TSPAN9: variants seen among roughly 807,000 people sequenced by gnomAD.
TSPAN9 encodes the protein tetraspanin-9.
TSPAN9 carries 16 observed loss-of-function variants against 31.0 expected under a neutral mutation model. The observed-to-expected ratio is 0.52, with a 90% CI of 0.35 to 0.78. The LOEUF (loss-of-function observed/expected upper bound fraction) is 0.78, where lower values mean the gene tolerates loss of function less well. TSPAN9 is among the 30% of genes least tolerant of loss of function. TSPAN9 has a pLI of 0.01. For missense variants in TSPAN9, 272 were observed against 312.5 expected (o/e 0.87, Z 0.98); for synonymous variants, 145 against 121.6 (o/e 1.19, Z -1.27).
chr12:3,088,414 T>C lies in TSPAN9; in HGVS notation c.-18+4695T>C, dbSNP rs533460603. ...ACTCCAAATTAGCAGCCATTTCAAA[T>C]TGGCTTCCACTGACTTGCTGCTGGG... is the stretch of plus-strand genomic sequence containing the variant. On this transcript the variant is annotated intron_variant, in intron 2 of 8. Coordinates refer to ENST00000011898, the MANE Select transcript of TSPAN9 (RefSeq NM_006675.5). 7.3e-5 allele frequency among the ~76,000 whole-genome samples: 11 copies of C among 149,732 alleles called. No individual in the cohort carries two copies. In the South Asian group the frequency reaches 1.5e-3, roughly 21 times the overall value.
rs114608526 is a variant in TSPAN9, at chr12:3,250,851, C to T, written c.64-27570C>T. 3.6e-3 allele frequency among the ~76,000 whole-genome samples: 543 copies of T among 152,288 alleles called. 6 individuals are homozygous for T. Among genetic ancestry groups the T allele is most frequent in the African/African-American group, 0.013 (522 of 41,550 alleles). ...GCCCGGTGAATGGCCATGATGGGCA[C>T]AGCAGCCTGCCCTGAGGAAGGGCCT... On this transcript the variant is annotated intron_variant, in intron 3 of 8. Transcript: ENST00000011898.
chr12:3,130,881 C>T (rs1206764141), intron 2 of TSPAN9, among the ~76,000 whole-genome samples: 1 of 152,140 alleles, frequency 6.6e-6, no homozygotes. Flanking sequence ...TTTAGGATCC[C>T]AGTGCTCTTG....
At chr12:3,263,441 G>A (rs771409492) in intron 3 of TSPAN9, among the ~76,000 whole-genome samples, 3 of 152,222 alleles carry the variant, frequency 2.0e-5, no homozygotes, top group East Asian at 1.9e-4. Flanking sequence ...CACGTGTGGC[G>A]GTGGACGGGC....
intron 2 of TSPAN9, among the ~76,000 whole-genome samples, chr12:3,133,223 A>T (rs2098330585): frequency 6.6e-6 from 1 of 152,086 alleles, no homozygotes; most frequent in South Asian, 2.1e-4. Context: ...GGCCCCACCC[A>T]TCCCGGAAAA....
intron 3 of TSPAN9, among the ~76,000 whole-genome samples, chr12:3,267,404 A>C (rs1862556841): frequency 6.6e-6 from 1 of 152,158 alleles, no homozygotes; most frequent in African/African-American, 2.4e-5. Flanking sequence ...AACATCTCAG[A>C]AAGGTTAAGT....
intron 2 of TSPAN9, among the ~76,000 whole-genome samples, chr12:3,159,057 C>A (rs1195338842): frequency 6.6e-6 from 1 of 151,996 alleles, no homozygotes; most frequent in African/African-American, 2.4e-5. Context: ...CTCCCCACCC[C>A]CTGCCAGGGA....
chr12:3,126,288 G>C (rs1396236808), intron 2 of TSPAN9, among the ~76,000 whole-genome samples: 2 of 152,204 alleles, frequency 1.3e-5, no homozygotes, highest in East Asian at 3.8e-4. Flanking sequence ...AGGTGATTTT[G>C]TTGTTGCGTG....
chr12:3,123,513 C>T (rs35096434), intron 2 of TSPAN9, among the ~76,000 whole-genome samples: 20,639 of 152,052 alleles, frequency 0.14, 1,697 homozygotes, highest in Middle Eastern at 0.22. Context: ...AGTCTCTCTC[C>T]AGGCATTCAG....
chr12:3,101,338 T>C (rs1385494753), intron 2 of TSPAN9, among the ~76,000 whole-genome samples: 2 of 152,154 alleles, frequency 1.3e-5, no homozygotes, highest in Non-Finnish European at 1.5e-5. Context: ...ACCTTGAAGA[T>C]AGTGAGCTCC....
At chr12:3,177,512 A>C (rs994679782) in intron 2 of TSPAN9, among the ~76,000 whole-genome samples, 17 of 136,932 alleles carry the variant, frequency 1.2e-4, no homozygotes, top group Non-Finnish European at 6.4e-5. Flanking sequence ...GGCTCACTGC[A>C]CTCTCCGCCT....
intron 2 of TSPAN9, among the ~76,000 whole-genome samples, chr12:3,127,102 T>A (rs2098327670): frequency 6.6e-6 from 1 of 151,442 alleles, no homozygotes; most frequent in South Asian, 2.1e-4. Flanking sequence ...TTTATAAATT[T>A]ATATAAATAT....
intron 3 of TSPAN9, among the ~76,000 whole-genome samples, chr12:3,202,411 A>G (rs1331342299): frequency 6.6e-6 from 1 of 152,224 alleles, no homozygotes; most frequent in Non-Finnish European, 1.5e-5. Context: ...AGTGATCCAC[A>G]TTAGCCGAAA....
At chr12:3,138,191 G>A (rs1032070995) in intron 2 of TSPAN9, among the ~76,000 whole-genome samples, 1 of 152,220 alleles carries the variant, frequency 6.6e-6, no homozygotes, top group African/African-American at 2.4e-5. Context: ...CCCTGGGCTG[G>A]CCCCTCTGCC....
chr12:3,122,090 C>T (rs2098325397), intron 2 of TSPAN9, among the ~76,000 whole-genome samples: 1 of 152,100 alleles, frequency 6.6e-6, no homozygotes, highest in Non-Finnish European at 1.5e-5. Context: ...AATCCCAGCA[C>T]TTTGGGAGGC....
intron 3 of TSPAN9, among the ~76,000 whole-genome samples, chr12:3,251,735 C>T (rs1206269314): frequency 1.3e-5 from 2 of 152,204 alleles, no homozygotes; most frequent in Non-Finnish European, 2.9e-5. Context: ...CTTCCTCTGA[C>T]TGTTGGCACC....
intron 2 of TSPAN9, among the ~76,000 whole-genome samples, chr12:3,199,224 A>G (rs912709373): frequency 2.6e-5 from 4 of 152,084 alleles, no homozygotes; most frequent in African/African-American, 9.7e-5. Context: ...AGCCATCCCT[A>G]TTGAGCACCT....
At chr12:3,231,720 T>G (rs2098390884) in intron 3 of TSPAN9, among the ~76,000 whole-genome samples, 1 of 152,260 alleles carries the variant, frequency 6.6e-6, no homozygotes, top group Non-Finnish European at 1.5e-5. Context: ...GGGCGGCGCC[T>G]TCAGATGATC....
At chr12:3,134,265 T>C (rs1204016096) in intron 2 of TSPAN9, among the ~76,000 whole-genome samples, 1 of 152,198 alleles carries the variant, frequency 6.6e-6, no homozygotes, top group Non-Finnish European at 1.5e-5. Flanking sequence ...GGGTGATGGG[T>C]TGAGACTTTC....
At chr12:3,229,099 G>A (rs1310422203) in intron 3 of TSPAN9, among the ~76,000 whole-genome samples, 1 of 152,190 alleles carries the variant, frequency 6.6e-6, no homozygotes, top group Non-Finnish European at 1.5e-5. Context: ...TCCAAATAAG[G>A]TCACATTCAC....
Sources: allele counts gnomAD v4.1 joint callset (sites outside exome capture counted in the v4.1 genomes callset), GRCh38; gene constraint gnomAD v4.1.1; transcripts MANE v1.5; gene names NCBI Gene and HGNC (gene_info 2026-07-23, HGNC 2026-07-21).